The following AMMECR1L variants were observed in gnomAD, a reference collection of about 807,000 sequenced individuals.
AMMECR1L encodes the protein AMMECR1-like protein.
Under a neutral mutation model 36.8 loss-of-function variants are expected in AMMECR1L, and 4 were observed. The ratio of observed to expected loss-of-function variants is 0.11; its 90% CI spans 0.05 to 0.25. The LOEUF is 0.25. Among genes scored for constraint, AMMECR1L ranks in the 10% least tolerant of loss-of-function variants. AMMECR1L has a pLI of 1.00. For missense variants in AMMECR1L, 232 were observed against 392.1 expected (o/e 0.59, Z 3.45); for synonymous variants, 147 against 148.0 (o/e 0.99, Z 0.05).
Position 127,871,036 on chromosome 2 carries a change from T to G in AMMECR1L, c.519-108A>C. Reference sequence around the variant, plus strand: ...AATCTTGAGCTATGCAGAGAGTATCTATTGTTCATCAACACTAACATGTTA... The same window carrying G: ...AATCTTGAGCTATGCAGAGAGTATCGATTGTTCATCAACACTAACATGTTA... On this transcript the variant is annotated intron_variant, in intron 4 of 7. Transcript: ENST00000272647. This position sits in a 1 kb window ranked among gnomAD's most constrained non-coding sequence, Gnocchi z 4.3. The G allele has an allele frequency of 1.0e-6, 1 of 962,880 alleles. No homozygotes were observed. 59.6% of individuals were successfully genotyped at this position (962,880 alleles called of 1,614,324 possible). A position where few individuals can be genotyped will look rare whatever the true frequency, so the allele number is the denominator to read the frequency against.
chr2:127,876,344 T>G, intron 2 of AMMECR1L, among the ~76,000 whole-genome samples: 1 of 99,984 alleles, frequency 1.0e-5, no homozygotes. Context: ...AGCAAGGCCC[T>G]GTCTCAAAAA....
chr2:127,876,349 CAAAA>C (rs11332960), intron 2 of AMMECR1L, among the ~76,000 whole-genome samples: 8 of 111,128 alleles, frequency 7.2e-5, no homozygotes, highest in Admixed American at 9.1e-5. Context: ...GGCCCTGTCT[CAAAA>C]AAAAAAAAAA....
intron 7 of AMMECR1L, among the ~76,000 whole-genome samples, chr2:127,866,449 T>C (rs1222283469): frequency 6.6e-6 from 1 of 152,220 alleles, no homozygotes; most frequent in Non-Finnish European, 1.5e-5. Context: ...CTAGGCAGCC[T>C]CCTCCTAGAA....
intron 2 of AMMECR1L, among the ~76,000 whole-genome samples, chr2:127,878,991 C>A (rs1182446388): frequency 2.0e-5 from 3 of 152,196 alleles, no homozygotes; most frequent in Non-Finnish European, 1.5e-5. Flanking sequence ...GTATAATGAG[C>A]CCAATATTTA....
At chr2:127,879,155 G>T (rs770064396) in intron 2 of AMMECR1L, among the ~76,000 whole-genome samples, 3 of 152,154 alleles carry the variant, frequency 2.0e-5, no homozygotes, top group Non-Finnish European at 2.9e-5. Flanking sequence ...ATATTAACTT[G>T]ATACAGTTTG....
At chr2:127,880,927 T>C (rs527903989) in intron 2 of AMMECR1L, among the ~76,000 whole-genome samples, 1 of 152,340 alleles carries the variant, frequency 6.6e-6, no homozygotes, top group East Asian at 1.9e-4. Flanking sequence ...ATCTCCATTC[T>C]ATTCAGCCCA....
At chr2:127,875,664 C>G (rs957318937) in intron 2 of AMMECR1L, among the ~76,000 whole-genome samples, 1 of 152,160 alleles carries the variant, frequency 6.6e-6, no homozygotes, top group Non-Finnish European at 1.5e-5. Context: ...TAACAAAATA[C>G]ACATCAAGGG....
intron 7 of AMMECR1L, among the ~76,000 whole-genome samples, chr2:127,866,256 G>A (rs1293465367): frequency 6.6e-6 from 1 of 152,134 alleles, no homozygotes; most frequent in Non-Finnish European, 1.5e-5. Flanking sequence ...AATGTTGACT[G>A]GCCACAGGCT....
intron 5 of AMMECR1L, 128 bp downstream of exon 5, chr2:127,870,686 C>A: frequency 1.5e-6 from 1 of 670,094 alleles, no homozygotes; most frequent in African/African-American, 1.8e-5. Context: ...ATGTTGCCCA[C>A]AATTGGTTCC....
In AMMECR1L at chr2:127,869,370, A is replaced by G; in HGVS notation, c.724+84T>C. 7.5e-7 allele frequency: 1 copy of G among 1,333,876 alleles called. No homozygotes were observed. Among genetic ancestry groups the G allele is most frequent in the Non-Finnish European group, 1.1e-6 (1 of 928,070 alleles). The allele number at this position is 1,333,876 out of a possible 1,614,324, so 82.6% of individuals were successfully genotyped here. The stretch of plus-strand genomic sequence containing the variant: ...CATTCTCAGCTGCAGTTGGGCTGCA[A>G]GATGACACACTTCACTTTCTTGCCC... On this transcript the variant is annotated intron_variant, in intron 6 of 7. Transcript: ENST00000272647. This position sits in a 1 kb window ranked among gnomAD's most constrained non-coding sequence, Gnocchi z 4.7.
At chr2:127,875,799 C>CTCTCTCTT (rs1553490140) in intron 2 of AMMECR1L, among the ~76,000 whole-genome samples, 1 of 151,310 alleles carries the variant, frequency 6.6e-6, no homozygotes, top group Non-Finnish European at 1.5e-5. Flanking sequence ...CTCTCTCTCT[C>CTCTCTCTT]TCTTTTTCTT....
chr2:127,881,535 T>A lies in AMMECR1L; in HGVS notation c.-39+2668A>T, dbSNP rs372243268. ...CAGATCCCAAGTCTGACTTGCCACG[T>A]ACCAGCTACGCAACTCAGGCAAGTT... On this transcript the variant is annotated intron_variant, in intron 2 of 7. Transcript: ENST00000272647. 3.9e-5 allele frequency among the ~76,000 whole-genome samples: 6 copies of A among 152,292 alleles called. 1 individual carries two copies. The highest frequency in any genetic ancestry group is 1.4e-4 in the African/African-American group (6 of 41,572).
At chr2:127,878,212 T>G (rs939349771) in intron 2 of AMMECR1L, among the ~76,000 whole-genome samples, 1 of 152,018 alleles carries the variant, frequency 6.6e-6, no homozygotes, top group African/African-American at 2.4e-5. Context: ...CCTGGAAAAT[T>G]ATCCCCTCAT....
intron 2 of AMMECR1L, among the ~76,000 whole-genome samples, chr2:127,876,776 G>C (rs1691261539): frequency 6.6e-6 from 1 of 152,100 alleles, no homozygotes; most frequent in Non-Finnish European, 1.5e-5. Flanking sequence ...CCAGTACTTT[G>C]GGAGGCCGAG....
In AMMECR1L at chr2:127,862,321, G is replaced by A. The variant is rs374571952; in HGVS notation, c.*2773C>T. On this transcript the variant is annotated 3_prime_UTR_variant, in exon 8 of 8. Coordinates refer to ENST00000272647, the MANE Select transcript of AMMECR1L (RefSeq NM_001199140.2). ...AGCCCAAGGACAAAGGAAACACTCA[G>A]CAGAAAACATTCCCTTTTCTTTAAA... is the stretch of plus-strand genomic sequence containing the variant. The A allele has an allele frequency of 7.1e-5, 11 of 153,936 alleles. No individual in the cohort carries two copies. The highest frequency in any genetic ancestry group is 2.6e-4 in the African/African-American group (11 of 41,580). The allele number at this position is 153,936 out of a possible 1,614,324, so 9.5% of individuals were successfully genotyped here. A position where few individuals can be genotyped will look rare whatever the true frequency, so the allele number is the denominator to read the frequency against.
chr2:127,873,498 T>C lies in AMMECR1L; in HGVS notation c.407+330A>G. The C allele has an allele frequency of 2.0e-6, 2 of 985,426 alleles. No homozygotes were observed. Among genetic ancestry groups the C allele is most frequent in the Non-Finnish European group, 2.4e-6 (2 of 829,922 alleles). The allele number at this position is 985,426 out of a possible 1,614,324, so 61.0% of individuals were successfully genotyped here. A position where few individuals can be genotyped will look rare whatever the true frequency, so the allele number is the denominator to read the frequency against. On this transcript the variant is annotated intron_variant, in intron 3 of 7. Coordinates refer to ENST00000272647, the MANE Select transcript of AMMECR1L (RefSeq NM_001199140.2). The surrounding 1 kb of genome is among the most constrained non-coding windows in gnomAD (Gnocchi z 5.2). ...ACTTCAACACTATGGGTGTCCCCAA[T>C]GGTATGGCGTGACTTCCCCACTTGA... is the stretch of plus-strand genomic sequence containing the variant.
rs183711119 is a variant in AMMECR1L at position 127,869,204 on chromosome 2, T to C, written c.724+250A>G. Among the ~76,000 whole-genome samples the C allele has an allele frequency of 4.6e-5, 7 of 152,358 alleles. No homozygotes were observed. In the East Asian group the frequency reaches 1.2e-3, roughly 25 times the overall value. On this transcript the variant is annotated intron_variant, in intron 6 of 7. Transcript: ENST00000272647. The surrounding 1 kb of genome is among the most constrained non-coding windows in gnomAD (Gnocchi z 4.7). ...TTTAAGGGGCTAAGAAATAAAACTA[T>C]TCATTGAAAAGAAGTGTTTGAAATA...
chr2:127,872,211 TA>T (rs1402744208), intron 3 of AMMECR1L, among the ~76,000 whole-genome samples: 3 of 146,598 alleles, frequency 2.0e-5, no homozygotes, highest in South Asian at 2.2e-4. Context: ...AAAAAAAGAT[TA>T]AAAAAAAATA....
rs1436634587 is a variant in AMMECR1L at position 127,862,020 on chromosome 2, GTTGTT to G, written c.*3069_*3073del. The G allele has an allele frequency of 9.2e-5, 14 of 152,584 alleles. No homozygotes were observed. Among genetic ancestry groups the G allele is most frequent in the East Asian group, 1.9e-4 (1 of 5,198 alleles). The allele number at this position is 152,584 out of a possible 1,614,324, so 9.5% of individuals were successfully genotyped here. On this transcript the variant is annotated 3_prime_UTR_variant, in exon 8 of 8. Coordinates refer to ENST00000272647, the MANE Select transcript of AMMECR1L (RefSeq NM_001199140.2). ...CATGTTGAAAGGGTCTCTAACATGA[GTTGTT>G]TTATTATTATGAAGCAAAAAAGTTT...
Sources: allele counts gnomAD v4.1 joint callset (sites outside exome capture counted in the v4.1 genomes callset), GRCh38; gene constraint gnomAD v4.1.1; non-coding constraint Gnocchi (gnomAD v3.1); transcripts MANE v1.5; gene names NCBI Gene and HGNC (gene_info 2026-07-23, HGNC 2026-07-21).